The following WWTR1 variants were observed in gnomAD, a reference collection of about 807,000 sequenced individuals.
WWTR1 encodes the protein WW domain-containing transcription regulator protein 1.
WWTR1 carries 13 observed loss-of-function variants against 40.1 expected under a neutral mutation model. That is an observed-to-expected ratio of 0.32 (90% CI 0.21 to 0.52). WWTR1 has a LOEUF of 0.52. Ranked by LOEUF, WWTR1 falls within the 20% of genes least tolerant of loss-of-function variation. The pLI is 0.97. For missense variants in WWTR1, 436 were observed against 523.1 expected (o/e 0.83, Z 1.63); for synonymous variants, 230 against 210.1 (o/e 1.09, Z -0.82).
At chr3:149,636,470 A>G (rs1160386106) in intron 2 of WWTR1, among the ~76,000 whole-genome samples, 1 of 152,230 alleles carries the variant, frequency 6.6e-6, no homozygotes, top group African/African-American at 2.4e-5. Context: ...AATTAATACC[A>G]GGAAATTTTC....
At chr3:149,648,448 A>C (rs1025774479) in intron 2 of WWTR1, among the ~76,000 whole-genome samples, 3 of 152,152 alleles carry the variant, frequency 2.0e-5, no homozygotes, top group Non-Finnish European at 4.4e-5. Flanking sequence ...CAAAACAAAA[A>C]AAAAACAGTA....
intron 2 of WWTR1, among the ~76,000 whole-genome samples, chr3:149,581,755 A>G (rs1738160304): frequency 6.6e-6 from 1 of 152,152 alleles, no homozygotes; most frequent in African/African-American, 2.4e-5. Context: ...CACTTGTTTA[A>G]GTTAGCAGCA....
At position 149,623,573 on chromosome 3, in the gene WWTR1, G is replaced by T. The variant is rs577324671; in HGVS notation, c.431+33303C>A. ...AATATATGTTGTCTTTCTTTCTGAT[G>T]AATTAATCCATTTTTTGTCCATTGA... is the stretch of plus-strand genomic sequence containing the variant. On this transcript the variant is annotated intron_variant, in intron 2 of 6. Transcript: ENST00000360632. 2.0e-5 allele frequency among the ~76,000 whole-genome samples: 3 copies of T among 152,286 alleles called. No individual in the cohort carries two copies. The South Asian group carries it at 6.2e-4, about 32-fold the overall frequency.
At chr3:149,598,083 G>T (rs1739083403) in intron 2 of WWTR1, among the ~76,000 whole-genome samples, 1 of 152,164 alleles carries the variant, frequency 6.6e-6, no homozygotes. Context: ...CCCTGAATAT[G>T]TGACAGGGCC....
rs556731036 is a variant in WWTR1, at chr3:149,698,792, G to A, written c.-108+4332C>T. Among the ~76,000 whole-genome samples, 3 of 152,346 alleles carry A rather than the reference G, an allele frequency of 2.0e-5. No individual in the cohort carries two copies. The South Asian group carries it at 6.2e-4, about 32-fold the overall frequency. ...CTTATGGATTATACCCTCTAGAACT[G>A]CAGCACAAGTTGTACCTGGGCCCCT... On this transcript the variant is annotated intron_variant, in intron 1 of 7. Transcript: ENST00000465804.
At chr3:149,522,781 A>G (rs1284075415) in intron 6 of WWTR1, among the ~76,000 whole-genome samples, 2 of 152,164 alleles carry the variant, frequency 1.3e-5, no homozygotes, top group African/African-American at 4.8e-5. Context: ...TCATGCCTGT[A>G]ATCCCAGCAC....
At chr3:149,547,450 C>T (rs2043549) in intron 3 of WWTR1, among the ~76,000 whole-genome samples, 35,478 of 151,724 alleles carry the variant, frequency 0.23, 5,748 homozygotes, top group East Asian at 0.71. Context: ...GGCTTGAACC[C>T]GGGACGTGGA....
upstream of WWTR1, chr3:149,658,372 C>T (rs1204611982): frequency 6.6e-6 from 1 of 152,484 alleles, no homozygotes; most frequent in African/African-American, 2.4e-5. Context: ...TGGACCGAAA[C>T]CAAGGCCGGG....
At chr3:149,534,953 T>C (rs1320000750) in intron 4 of WWTR1, among the ~76,000 whole-genome samples, 1 of 152,214 alleles carries the variant, frequency 6.6e-6, no homozygotes, top group Non-Finnish European at 1.5e-5. Context: ...CCTCTCCTTC[T>C]AGGTCCTTGG....
intron 3 of WWTR1, among the ~76,000 whole-genome samples, chr3:149,553,445 T>C (rs1736698788): frequency 6.6e-6 from 1 of 152,168 alleles, no homozygotes; most frequent in Non-Finnish European, 1.5e-5. Context: ...GTGAATCGCA[T>C]GTTTTGATGA....
chr3:149,566,924 A>G (rs1413049828), intron 3 of WWTR1, among the ~76,000 whole-genome samples: 2 of 152,124 alleles, frequency 1.3e-5, no homozygotes, highest in African/African-American at 4.8e-5. Flanking sequence ...AGGGGTAAGT[A>G]AGTGCGTGTG....
intron 2 of WWTR1, among the ~76,000 whole-genome samples, chr3:149,584,195 GC>G (rs1226964764): frequency 6.6e-6 from 1 of 152,308 alleles, no homozygotes; most frequent in East Asian, 1.9e-4. Context: ...AAGCTGCACT[GC>G]CCTCCTTTCT....
chr3:149,663,338 G>A (rs112863268), intron 2 of WWTR1, among the ~76,000 whole-genome samples: 7,244 of 99,374 alleles, frequency 0.073, 340 homozygotes, highest in African/African-American at 0.16. Flanking sequence ...TGTAAAATTC[G>A]CCTCAGAAAT....
intron 2 of WWTR1, among the ~76,000 whole-genome samples, chr3:149,652,389 C>T (rs887046368): frequency 3.3e-5 from 5 of 151,068 alleles, no homozygotes; most frequent in South Asian, 2.1e-4. Flanking sequence ...TTTAGGAAGC[C>T]GGTGGGAGGA....
chr3:149,561,215 T>G (rs372476042), intron 3 of WWTR1, among the ~76,000 whole-genome samples: 10 of 152,182 alleles, frequency 6.6e-5, no homozygotes, highest in African/African-American at 2.2e-4. Context: ...ATTGGTTAAA[T>G]AAATTATGGC....
At chr3:149,670,221 G>A (rs887849605) in intron 1 of WWTR1, among the ~76,000 whole-genome samples, 32 of 152,186 alleles carry the variant, frequency 2.1e-4, no homozygotes, top group African/African-American at 7.7e-4. Flanking sequence ...CTCTATTGAA[G>A]AAAGTCCTAA....
intron 2 of WWTR1, among the ~76,000 whole-genome samples, chr3:149,586,404 A>G (rs1738428749): frequency 6.8e-6 from 1 of 147,660 alleles, no homozygotes; most frequent in Non-Finnish European, 1.5e-5. Flanking sequence ...CAAGATAAAG[A>G]AAGATGAAAA....
chr3:149,591,771 A>G (rs1390809328), intron 2 of WWTR1, among the ~76,000 whole-genome samples: 1 of 152,212 alleles, frequency 6.6e-6, no homozygotes, highest in Admixed American at 6.5e-5. Context: ...GTCATTTTAA[A>G]TGACTTGAGA....
At chr3:149,578,364 A>C (rs1436901378) in intron 2 of WWTR1, among the ~76,000 whole-genome samples, 1 of 152,150 alleles carries the variant, frequency 6.6e-6, no homozygotes, top group East Asian at 1.9e-4. Context: ...TTCTGGGAAT[A>C]TTATGACCAC....
Sources: allele counts gnomAD v4.1 joint callset (sites outside exome capture counted in the v4.1 genomes callset), GRCh38; gene constraint gnomAD v4.1.1; transcripts MANE v1.5; gene names NCBI Gene and HGNC (gene_info 2026-07-23, HGNC 2026-07-21).